The following TRAP1 variants were observed in gnomAD, a reference collection of about 807,000 sequenced individuals.
TRAP1 encodes TNF receptor associated protein 1, also known as heat shock protein 75 kDa, mitochondrial.
A neutral mutation model predicts 89.1 loss-of-function variants in TRAP1; 102 were observed. The observed-to-expected ratio is 1.15, with a 90% CI of 0.98 to 1.35. The LOEUF is 1.35. Ranked by LOEUF, TRAP1 falls within the 40% of genes most tolerant of loss-of-function variation. The probability of loss-of-function intolerance (pLI) is 0.00; values close to 1 mark genes in which losing one functional copy is unlikely to be tolerated. For missense variants in TRAP1, 1,256 were observed against 945.3 expected (o/e 1.33, Z -4.31); for synonymous variants, 508 against 388.0 (o/e 1.31, Z -3.64).
At chr16:3,680,612 T>C (rs3794702) in intron 4 of TRAP1, among the ~76,000 whole-genome samples, 4 of 152,186 alleles carry the variant, frequency 2.6e-5, no homozygotes, top group African/African-American at 9.6e-5. Context: ...AGCCCTTGCG[T>C]TGGAGCCTCT....
chr16:3,699,850 T>C (rs2051341773), intron 1 of TRAP1, among the ~76,000 whole-genome samples: 1 of 151,312 alleles, frequency 6.6e-6, no homozygotes, highest in South Asian at 2.1e-4. Flanking sequence ...TTTTTTTTTT[T>C]TTTTCCTAGA....
At chr16:3,687,915 C>T (rs1330029085) in intron 3 of TRAP1, among the ~76,000 whole-genome samples, 3 of 150,522 alleles carry the variant, frequency 2.0e-5, no homozygotes, top group African/African-American at 7.3e-5. Context: ...AAATTAAGTC[C>T]GCAAGAGCAC....
intron 1 of TRAP1, among the ~76,000 whole-genome samples, chr16:3,704,552 A>G (rs2051413312): frequency 6.6e-6 from 1 of 152,152 alleles, no homozygotes; most frequent in African/African-American, 2.4e-5. Context: ...ACAATATTAA[A>G]ATAAATTTCC....
chr16:3,670,558 G>A (rs1229182115), intron 11 of TRAP1, among the ~76,000 whole-genome samples: 2 of 151,800 alleles, frequency 1.3e-5, no homozygotes, highest in Non-Finnish European at 2.9e-5. Flanking sequence ...AAAAAAATTA[G>A]CCAGGCATGG....
chr16:3,696,636 G>C (rs910938657), intron 1 of TRAP1, among the ~76,000 whole-genome samples: 1 of 152,098 alleles, frequency 6.6e-6, no homozygotes, highest in African/African-American at 2.4e-5. Flanking sequence ...GCTCACTGCA[G>C]CCTCGACCTT....
At position 3,669,832 on chromosome 16, in the gene TRAP1, C is replaced by CAAAAA. The variant is rs59256364; in HGVS notation, c.1235+1885_1235+1889dup. 1.3e-3 allele frequency among the ~76,000 whole-genome samples: 85 copies of CAAAAA among 66,156 alleles called. 2 individuals carry two copies. Among genetic ancestry groups the CAAAAA allele is most frequent in the Non-Finnish European group, 2.3e-3 (67 of 28,952 alleles). The allele number at this position is 66,156 out of a possible 152,430, so 43.4% of individuals were successfully genotyped here. A position where few individuals can be genotyped will look rare whatever the true frequency, so the allele number is the denominator to read the frequency against. On this transcript the variant is annotated intron_variant, in intron 11 of 17. Transcript: ENST00000246957. The stretch of plus-strand genomic sequence containing the variant: ...TGGGCAACAGACCAAGACTCCGTCT[C>CAAAAA]AAAAAAAAAAAAAAAAAAAAAAAAA...
rs776008462 is a variant in TRAP1, at chr16:3,689,157, A to G, written c.248-20T>C. The G allele has an allele frequency of 1.9e-6, 3 of 1,602,042 alleles. No individual in the cohort carries two copies. The highest frequency in any genetic ancestry group is 2.6e-6 in the Non-Finnish European group (3 of 1,170,872). ...TGGAACCTAGTAATGAAACACAGAC[A>G]CAACCAACAAAGTTTAACTTCTATT... On this transcript the variant is annotated intron_variant, in intron 2 of 17. Coordinates refer to ENST00000246957, the MANE Select transcript of TRAP1 (RefSeq NM_016292.3).
At chr16:3,688,193 G>A (rs1489784760) in intron 3 of TRAP1, among the ~76,000 whole-genome samples, 1 of 151,856 alleles carries the variant, frequency 6.6e-6, no homozygotes, top group Non-Finnish European at 1.5e-5. Flanking sequence ...TAGAGATGGG[G>A]TCTCTTCACG....
intron 11 of TRAP1, among the ~76,000 whole-genome samples, chr16:3,670,355 C>A (rs2050895507): frequency 7.9e-6 from 1 of 127,072 alleles, no homozygotes; most frequent in African/African-American, 3.3e-5. Flanking sequence ...TGCACTCCAG[C>A]CTGGGCGACA....
chr16:3,685,205 T>A (rs1286717259), intron 4 of TRAP1, among the ~76,000 whole-genome samples: 1 of 151,936 alleles, frequency 6.6e-6, no homozygotes, highest in African/African-American at 2.4e-5. Flanking sequence ...AGAAACCCAC[T>A]CCCCACCCAA....
chr16:3,672,465 A>C (rs2050926715), intron 10 of TRAP1, among the ~76,000 whole-genome samples: 3 of 152,238 alleles, frequency 2.0e-5, no homozygotes, highest in African/African-American at 7.2e-5. Context: ...GTATCCCTAC[A>C]TATGGAAAGA....
intron 4 of TRAP1, among the ~76,000 whole-genome samples, chr16:3,681,284 GGGA>G (rs1458556472): frequency 6.6e-6 from 1 of 152,196 alleles, no homozygotes; most frequent in African/African-American, 2.4e-5. Context: ...CAGGAGCCAT[GGGA>G]GCCCACTAGC....
At chr16:3,706,839 G>A (rs182521999) in intron 1 of TRAP1, among the ~76,000 whole-genome samples, 1 of 152,052 alleles carries the variant, frequency 6.6e-6, no homozygotes, top group African/African-American at 2.4e-5. Flanking sequence ...GAACATTCAT[G>A]TGTAGGCTGT....
At position 3,692,478 on chromosome 16, in the gene TRAP1, G is replaced by A. The variant is rs564851699; in HGVS notation, c.89-1493C>T. On this transcript the variant is annotated intron_variant, in intron 1 of 17. Coordinates refer to ENST00000246957, the MANE Select transcript of TRAP1 (RefSeq NM_016292.3). ...TTGAACTTGGGAAGTGGAGGTTGCA[G>A]TGAGCCGAGATCGTGCCGCTGCACT... 2.7e-3 allele frequency among the ~76,000 whole-genome samples: 407 copies of A among 150,994 alleles called. 4 individuals carry two copies. Among genetic ancestry groups the A allele is most frequent in the African/African-American group, 9.5e-3 (388 of 41,038 alleles).
At chr16:3,661,771 G>A (rs1191200062) in intron 16 of TRAP1, 4 of 473,394 alleles carry the variant, frequency 8.4e-6, no homozygotes, top group Middle Eastern at 4.9e-4. Flanking sequence ...GCTGGGATGT[G>A]GCTAACCTCC....
intron 2 of TRAP1, chr16:3,689,694 G>C (rs902977509): frequency 5.9e-5 from 9 of 152,444 alleles, no homozygotes; most frequent in African/African-American, 2.2e-4. Flanking sequence ...ACACAAAGTA[G>C]CTGACGGTGG....
At chr16:3,659,396 C>CCAGAGGGATCAAAGATGA (rs2042932868) in intron 16 of TRAP1, 1 of 152,108 alleles carries the variant, frequency 6.6e-6, no homozygotes, top group African/African-American at 2.4e-5. Flanking sequence ...AGAGTAAATT[C>CCAGAGGGATCAAAGATGA]CAGAGGGATC....
chr16:3,702,998 T>C (rs914588963), intron 1 of TRAP1, among the ~76,000 whole-genome samples: 5 of 132,752 alleles, frequency 3.8e-5, no homozygotes, highest in African/African-American at 1.2e-4. Context: ...GCCAAGATGC[T>C]GCCATTGCAC....
rs957835885 is a variant in TRAP1 at position 3,697,199 on chromosome 16, A to G, written c.89-6214T>C. ...TGCCTATTGGTCAGATAAAATTTTCACTGCAGTTTTCACTTACATTTCTCT... is the reference window on the plus strand; with the variant it reads ...TGCCTATTGGTCAGATAAAATTTTCGCTGCAGTTTTCACTTACATTTCTCT... On this transcript the variant is annotated intron_variant, in intron 1 of 17. Transcript: ENST00000246957. Among the ~76,000 whole-genome samples, 8 of 152,152 alleles carry G rather than the reference A, an allele frequency of 5.3e-5. No homozygotes were observed. In the South Asian group the frequency reaches 1.7e-3, roughly 32 times the overall value.
Sources: gnomAD v4.1 joint callset for allele counts (sites outside exome capture counted in the v4.1 genomes callset) on GRCh38, gnomAD v4.1.1 for gene constraint, MANE v1.5 for transcripts, NCBI Gene and HGNC (gene_info 2026-07-23, HGNC 2026-07-21) for gene names.